The following BTBD9 variants were observed in gnomAD, a reference collection of about 807,000 sequenced individuals.
BTBD9 encodes BTB domain containing 9.
A neutral mutation model predicts 64.3 loss-of-function variants in BTBD9; 49 were observed. The observed-to-expected ratio is 0.76, with a 90% confidence interval of 0.61 to 0.97. The LOEUF (loss-of-function observed/expected upper bound fraction) is 0.97. Ranked by LOEUF, BTBD9 falls within the 50% of genes least tolerant of loss-of-function variation. The probability of loss-of-function intolerance (pLI) is 0.00; values close to 1 mark genes in which losing one functional copy is unlikely to be tolerated. For synonymous variants in BTBD9, 260 were observed against 274.7 expected, an observed-to-expected ratio of 0.95 and a Z score of 0.53; for missense variants, 598 against 762.1, an observed-to-expected ratio of 0.78 and a Z score of 2.53.
intron 6 of BTBD9, among the ~76,000 whole-genome samples, chr6:38,455,404 A>G (rs966415235): frequency 4.6e-5 from 7 of 152,208 alleles, no homozygotes; most frequent in African/African-American, 1.7e-4. Flanking sequence ...TCCTGTGCTC[A>G]GGTGATCTTC....
intron 6 of BTBD9, among the ~76,000 whole-genome samples, chr6:38,459,369 C>T (rs979799760): frequency 5.3e-5 from 8 of 152,194 alleles, no homozygotes; most frequent in Non-Finnish European, 1.0e-4. Flanking sequence ...CATGAGCTCT[C>T]CCACAATTCT....
intron 7 of BTBD9, among the ~76,000 whole-genome samples, chr6:38,315,941 C>G (rs1763012987): frequency 6.6e-6 from 1 of 152,166 alleles, no homozygotes; most frequent in South Asian, 2.1e-4. Flanking sequence ...GTATTAGAGT[C>G]TCTCTCTTTA....
At chr6:38,386,240 C>T (rs1030158291) in intron 6 of BTBD9, among the ~76,000 whole-genome samples, 3 of 152,100 alleles carry the variant, frequency 2.0e-5, no homozygotes, top group East Asian at 1.9e-4. Context: ...CAGAAATCTT[C>T]ATGTCAGAAT....
At chr6:38,563,465 G>A (rs550215776) in intron 6 of BTBD9, among the ~76,000 whole-genome samples, 90 of 152,048 alleles carry the variant, frequency 5.9e-4, no homozygotes, top group African/African-American at 2.0e-3. Flanking sequence ...CTTCCACTTC[G>A]GCCCAACTCA....
rs372371033 is a variant in BTBD9 at position 38,539,636 on chromosome 6, T to G, written c.1154+37964A>C. Reference sequence around the variant, plus strand: ...AATTTTTAAAAGAGATTTATTTGATTACATTTTTCTCAGAATAATATGAAA... The same window carrying G: ...AATTTTTAAAAGAGATTTATTTGATGACATTTTTCTCAGAATAATATGAAA... On this transcript the variant is annotated intron_variant, in intron 6 of 10. Coordinates refer to ENST00000481247, the MANE Select transcript of BTBD9 (RefSeq NM_001099272.2). Among the ~76,000 whole-genome samples, 7 of 152,328 alleles carry G rather than the reference T, an allele frequency of 4.6e-5. No individual in the cohort carries two copies. In the East Asian group the frequency reaches 7.7e-4, roughly 17 times the overall value.
At chr6:38,183,986 G>A (rs1761699641) in intron 10 of BTBD9, among the ~76,000 whole-genome samples, 1 of 152,178 alleles carries the variant, frequency 6.6e-6, no homozygotes. Flanking sequence ...AGTGTGGTGG[G>A]GAGCCAGTCA....
At chr6:38,538,578 T>C (rs1774124551) in intron 6 of BTBD9, among the ~76,000 whole-genome samples, 1 of 152,110 alleles carries the variant, frequency 6.6e-6, no homozygotes, top group Non-Finnish European at 1.5e-5. Context: ...ATTATCTAGA[T>C]TAGTTTTTCA....
intron 6 of BTBD9, among the ~76,000 whole-genome samples, chr6:38,386,945 A>G (rs1026862497): frequency 1.3e-5 from 2 of 152,080 alleles, no homozygotes; most frequent in Non-Finnish European, 2.9e-5. Flanking sequence ...GTCTGGCCCA[A>G]TTCACTCTTG....
Position 38,621,133 on chromosome 6 carries a change from T to C in BTBD9, c.-28+18667A>G, listed in dbSNP as rs561096731. On this transcript the variant is annotated intron_variant, in intron 1 of 10. Transcript: ENST00000481247. ...AGCTGTGGTGGTGGCCATCTTAATA[T>C]CAGAGCCTATCAAAATAGTACAAGG... Among the ~76,000 whole-genome samples, 39 of 152,314 alleles carry C rather than the reference T, an allele frequency of 2.6e-4. No individual in the cohort carries two copies. In the South Asian group the frequency reaches 8.1e-3, roughly 32 times the overall value.
At chr6:38,339,542 G>C (rs1220640929) in intron 7 of BTBD9, among the ~76,000 whole-genome samples, 1 of 152,132 alleles carries the variant, frequency 6.6e-6, no homozygotes. Context: ...ATGGTATATA[G>C]TGTGCTACCA....
chr6:38,577,480 G>A (rs1484870645), intron 6 of BTBD9, 120 bp downstream of exon 6: 14 of 961,138 alleles, frequency 1.5e-5, no homozygotes, highest in Non-Finnish European at 2.0e-5. Flanking sequence ...CTTGGGATAT[G>A]TTTAGTAGTT....
intron 10 of BTBD9, among the ~76,000 whole-genome samples, chr6:38,188,399 C>G (rs1761909369): frequency 6.6e-6 from 1 of 152,236 alleles, no homozygotes; most frequent in African/African-American, 2.4e-5. Context: ...CTGCGCTTCC[C>G]CACCAGTCCC....
chr6:38,327,405 A>G (rs776977367), intron 7 of BTBD9, among the ~76,000 whole-genome samples: 1 of 152,156 alleles, frequency 6.6e-6, no homozygotes, highest in Non-Finnish European at 1.5e-5. Context: ...GCCCCTTCCC[A>G]AAACTGTATA....
intron 9 of BTBD9, among the ~76,000 whole-genome samples, chr6:38,232,771 T>C (rs2127518394): frequency 6.6e-6 from 1 of 152,166 alleles, no homozygotes; most frequent in South Asian, 2.1e-4. Flanking sequence ...GTAGCTAAGA[T>C]TACAGGCGTG....
chr6:38,612,389 C>A (rs1224857622), intron 1 of BTBD9, among the ~76,000 whole-genome samples: 2 of 152,184 alleles, frequency 1.3e-5, no homozygotes, highest in Non-Finnish European at 2.9e-5. Flanking sequence ...ACCCAGATAC[C>A]AACTAACCAA....
chr6:38,597,872 A>G (rs771358935), intron 2 of BTBD9, 38 bp downstream of exon 2: 1 of 1,578,176 alleles, frequency 6.3e-7, no homozygotes, highest in Non-Finnish European at 8.7e-7. Context: ...GTTTTCTACA[A>G]GTGAACTAAA....
intron 6 of BTBD9, among the ~76,000 whole-genome samples, chr6:38,478,762 A>T (rs1004246131): frequency 6.6e-6 from 1 of 152,232 alleles, no homozygotes. Flanking sequence ...GGAAGAAACA[A>T]ATGCCAGATT....
At chr6:38,415,016 T>C (rs970415679) in intron 6 of BTBD9, among the ~76,000 whole-genome samples, 2 of 152,128 alleles carry the variant, frequency 1.3e-5, no homozygotes, top group African/African-American at 4.8e-5. Context: ...CCTAAACATC[T>C]AAAATAAAAG....
rs1762190418 is a variant in BTBD9 at position 38,297,256 on chromosome 6, C to T, written c.1265-8795G>A. Among the ~76,000 whole-genome samples, 3 of 152,218 alleles carry T rather than the reference C, an allele frequency of 2.0e-5. 1 individual carries two copies. The highest frequency in any genetic ancestry group is 1.3e-4 in the Admixed American group (2 of 15,284). On this transcript the variant is annotated intron_variant, in intron 7 of 10. Coordinates refer to ENST00000481247, the MANE Select transcript of BTBD9 (RefSeq NM_001099272.2). ...TGGCGCGCACCTGTAATCCCAGCTA[C>T]CCAAGAGGCTGAGGCAGGATAATCG... is the stretch of plus-strand genomic sequence containing the variant.
Sources: allele counts gnomAD v4.1 joint callset (sites outside exome capture counted in the v4.1 genomes callset), GRCh38; gene constraint gnomAD v4.1.1; transcripts MANE v1.5; gene names NCBI Gene and HGNC (gene_info 2026-07-23, HGNC 2026-07-21).